Variants in PPP2R2B observed in about 807,000 individuals in gnomAD.
The protein encoded by PPP2R2B is protein phosphatase 2 regulatory subunit Bbeta, also known as serine/threonine-protein phosphatase 2A 55 kDa regulatory subunit B beta isoform.
A neutral mutation model predicts 46.0 loss-of-function variants in PPP2R2B; 5 were observed. That is an observed-to-expected ratio of 0.11 (90% confidence interval 0.06 to 0.23). The LOEUF (loss-of-function observed/expected upper bound fraction) is 0.23. Ranked by LOEUF, PPP2R2B falls within the 10% of genes least tolerant of loss-of-function variation. The pLI, the probability that PPP2R2B is intolerant of heterozygous loss-of-function variation, is 1.00. For synonymous variants in PPP2R2B, 215 were observed against 206.7 expected, an observed-to-expected ratio of 1.04 and a Z score of -0.34; for missense variants, 367 against 575.0, an observed-to-expected ratio of 0.64 and a Z score of 3.70.
At chr5:146,886,375 A>G (rs2926168) in intron 1 of PPP2R2B, among the ~76,000 whole-genome samples, 63,517 of 149,752 alleles carry the variant, frequency 0.42, 14,018 homozygotes, top group East Asian at 0.7. Flanking sequence ...AAATAATAAA[A>G]CTAAAATAAA....
At chr5:146,935,364 T>G (rs1764105188) in intron 1 of PPP2R2B, among the ~76,000 whole-genome samples, 1 of 152,218 alleles carries the variant, frequency 6.6e-6, no homozygotes, top group African/African-American at 2.4e-5. Flanking sequence ...AACCTTGGAC[T>G]TTCCAGCTTC....
At chr5:146,684,503 C>G (rs1778369696) in intron 5 of PPP2R2B, among the ~76,000 whole-genome samples, 1 of 152,164 alleles carries the variant, frequency 6.6e-6, no homozygotes, top group African/African-American at 2.4e-5. Context: ...GATTAGATAC[C>G]TGGCCCCTCA....
intron 2 of PPP2R2B, among the ~76,000 whole-genome samples, chr5:146,724,611 A>G (rs575002571): frequency 2.0e-5 from 3 of 152,292 alleles, no homozygotes; most frequent in African/African-American, 7.2e-5. Flanking sequence ...TGAGATATAT[A>G]CATGTGCACA....
At chr5:146,766,399 C>T (rs745881905) in intron 2 of PPP2R2B, among the ~76,000 whole-genome samples, 14 of 152,070 alleles carry the variant, frequency 9.2e-5, no homozygotes, top group Non-Finnish European at 1.5e-4. Context: ...CCAAATAAAC[C>T]GGAGGAAGAA....
chr5:146,795,991 T>A (rs79863274), intron 2 of PPP2R2B, among the ~76,000 whole-genome samples: 2 of 152,156 alleles, frequency 1.3e-5, no homozygotes, highest in Non-Finnish European at 1.5e-5. Context: ...ATATAGACTA[T>A]CCCTACGTTT....
At chr5:146,726,896 T>C (rs952177590) in intron 2 of PPP2R2B, among the ~76,000 whole-genome samples, 1 of 152,184 alleles carries the variant, frequency 6.6e-6, no homozygotes, top group African/African-American at 2.4e-5. Context: ...TGTGGCTATG[T>C]AAATGTTAGA....
chr5:146,830,116 A>C (rs1474412603), intron 2 of PPP2R2B, among the ~76,000 whole-genome samples: 1 of 152,056 alleles, frequency 6.6e-6, no homozygotes, highest in Non-Finnish European at 1.5e-5. Flanking sequence ...TTTGTTATTT[A>C]TTTACATTTT....
intron 7 of PPP2R2B, among the ~76,000 whole-genome samples, chr5:146,603,230 C>A (rs556801676): frequency 6.6e-6 from 1 of 152,170 alleles, no homozygotes; most frequent in African/African-American, 2.4e-5. Flanking sequence ...TCTCATTCAA[C>A]AAGACTCTTG....
intron 2 of PPP2R2B, among the ~76,000 whole-genome samples, chr5:146,804,156 G>T (rs1757033852): frequency 6.6e-6 from 1 of 150,490 alleles, no homozygotes; most frequent in Non-Finnish European, 1.5e-5. Flanking sequence ...GACAGAGGGA[G>T]ACTCTGTCTC....
chr5:146,719,713 T>A (rs1404662795), intron 2 of PPP2R2B, among the ~76,000 whole-genome samples: 1 of 152,144 alleles, frequency 6.6e-6, no homozygotes, highest in Non-Finnish European at 1.5e-5. Flanking sequence ...ATAGGTCATA[T>A]CTGACAAGCA....
intron 6 of PPP2R2B, among the ~76,000 whole-genome samples, chr5:146,642,376 T>A (rs1775278904): frequency 6.6e-6 from 1 of 152,186 alleles, no homozygotes; most frequent in Non-Finnish European, 1.5e-5. Context: ...AGAGGTAGCA[T>A]GGGGGCCATT....
chr5:146,946,463 A>G (rs187741371), intron 1 of PPP2R2B, among the ~76,000 whole-genome samples: 1 of 152,228 alleles, frequency 6.6e-6, no homozygotes, highest in African/African-American at 2.4e-5. Context: ...AGTGCAATCA[A>G]TAGTGTTACT....
chr5:146,797,456 C>T (rs1490786343), intron 2 of PPP2R2B, among the ~76,000 whole-genome samples: 4 of 152,156 alleles, frequency 2.6e-5, no homozygotes, highest in Non-Finnish European at 5.9e-5. Context: ...AACTTGCCTG[C>T]TTTCTTTTAT....
At chr5:146,633,056 A>G (rs2151072433) in intron 7 of PPP2R2B, among the ~76,000 whole-genome samples, 2 of 152,282 alleles carry the variant, frequency 1.3e-5, no homozygotes, top group Middle Eastern at 6.8e-3. Flanking sequence ...AATCCACTCT[A>G]GCTAAGTACT....
intron 1 of PPP2R2B, among the ~76,000 whole-genome samples, chr5:147,009,068 C>G (rs768878462): frequency 1.3e-5 from 2 of 152,060 alleles, no homozygotes; most frequent in Non-Finnish European, 1.5e-5. Flanking sequence ...TTTTAGAAAG[C>G]TCTTAGAAAA....
At chr5:146,916,541 C>T (rs1164724147) in intron 1 of PPP2R2B, among the ~76,000 whole-genome samples, 2 of 152,106 alleles carry the variant, frequency 1.3e-5, no homozygotes, top group Non-Finnish European at 2.9e-5. Context: ...TGAATGCATG[C>T]AGCTAATACA....
chr5:146,940,225 A>G (rs1369286658), intron 1 of PPP2R2B, among the ~76,000 whole-genome samples: 4 of 152,184 alleles, frequency 2.6e-5, no homozygotes, highest in East Asian at 1.9e-4. Context: ...TTGTCTTAAT[A>G]GAGCTACAAG....
chr5:146,746,872 A>G (rs1017315439), intron 2 of PPP2R2B, among the ~76,000 whole-genome samples: 1 of 152,236 alleles, frequency 6.6e-6, no homozygotes, highest in African/African-American at 2.4e-5. Flanking sequence ...CCCATTATGC[A>G]GATACCAAAA....
chr5:146,992,308 C>T (rs1227746491), intron 1 of PPP2R2B, among the ~76,000 whole-genome samples: 1 of 152,146 alleles, frequency 6.6e-6, no homozygotes, highest in African/African-American at 2.4e-5. Flanking sequence ...AACTAGACAG[C>T]TACTTTATTT....
Sources: gnomAD v4.1 joint callset for allele counts (sites outside exome capture counted in the v4.1 genomes callset) on GRCh38, gnomAD v4.1.1 for gene constraint, MANE v1.5 for transcripts, NCBI Gene and HGNC (gene_info 2026-07-23, HGNC 2026-07-21) for gene names.